The following KLHL32 variants were observed in gnomAD, a reference collection of about 807,000 sequenced individuals.
KLHL32 encodes kelch-like protein 32.
In KLHL32, 35 loss-of-function variants were observed where a neutral mutation model predicts 64.8. That is an observed-to-expected ratio of 0.54 (90% CI 0.41 to 0.72). The LOEUF (loss-of-function observed/expected upper bound fraction) is 0.72. Ranked by LOEUF, KLHL32 falls within the 30% of genes least tolerant of loss-of-function variation. The pLI, the probability that KLHL32 is intolerant of heterozygous loss-of-function variation, is 0.00. For missense variants in KLHL32, 589 were observed against 768.5 expected (o/e 0.77, Z 2.76); for synonymous variants, 259 against 281.0 (o/e 0.92, Z 0.78).
chr6:96,981,366 T>G (rs141029871), intron 3 of KLHL32, among the ~76,000 whole-genome samples: 1,688 of 152,072 alleles, frequency 0.011, 39 homozygotes, highest in African/African-American at 0.039. Flanking sequence ...GTCTTTGAGG[T>G]TTTTTTTGTA....
chr6:97,115,680 G>A (rs867696293), intron 7 of KLHL32, among the ~76,000 whole-genome samples: 37 of 152,264 alleles, frequency 2.4e-4, no homozygotes, highest in African/African-American at 8.7e-4. Context: ...TTTGAGAAAG[G>A]CCCTAAGTGT....
intron 4 of KLHL32, among the ~76,000 whole-genome samples, chr6:97,058,227 C>A (rs1267558567): frequency 1.3e-5 from 2 of 152,048 alleles, no homozygotes; most frequent in East Asian, 3.9e-4. Context: ...TATTTTGGGT[C>A]TTTTGCTTCT....
intron 3 of KLHL32, among the ~76,000 whole-genome samples, chr6:97,023,743 C>T (rs970188596): frequency 6.6e-6 from 1 of 152,184 alleles, no homozygotes; most frequent in Non-Finnish European, 1.5e-5. Flanking sequence ...ATAGTATCAC[C>T]TGAAGCCACT....
At chr6:96,967,125 C>T in intron 2 of KLHL32, 42 bp downstream of exon 2, 1 of 1,589,642 alleles carries the variant, frequency 6.3e-7, no homozygotes, top group South Asian at 1.1e-5. Flanking sequence ...GTAGTGAGCC[C>T]TGAAATAAGT....
At chr6:97,067,465 T>G (rs1489889393) in intron 5 of KLHL32, among the ~76,000 whole-genome samples, 1 of 152,156 alleles carries the variant, frequency 6.6e-6, no homozygotes, top group East Asian at 1.9e-4. Context: ...TTCTTTAGGC[T>G]CCCATTAATC....
chr6:97,004,011 G>A (rs549741945), intron 3 of KLHL32, among the ~76,000 whole-genome samples: 1 of 152,264 alleles, frequency 6.6e-6, no homozygotes, highest in South Asian at 2.1e-4. Context: ...TTCTAATTCT[G>A]TGAAGAATGC....
At chr6:97,006,197 AG>A (rs1195390483) in intron 3 of KLHL32, among the ~76,000 whole-genome samples, 2 of 152,152 alleles carry the variant, frequency 1.3e-5, no homozygotes, top group African/African-American at 4.8e-5. Flanking sequence ...CCCTTCTATT[AG>A]GTGCATACAT....
At chr6:97,030,269 G>A (rs1783340703) in intron 3 of KLHL32, among the ~76,000 whole-genome samples, 2 of 152,124 alleles carry the variant, frequency 1.3e-5, no homozygotes, top group South Asian at 4.1e-4. Flanking sequence ...TCAGTTTTGT[G>A]TCGTAAGGTA....
intron 6 of KLHL32, among the ~76,000 whole-genome samples, chr6:97,112,727 G>A (rs1423405579): frequency 1.3e-5 from 2 of 151,110 alleles, no homozygotes; most frequent in African/African-American, 4.9e-5. Context: ...TTACAGGCGT[G>A]AGCCACCATG....
intron 6 of KLHL32, among the ~76,000 whole-genome samples, chr6:97,088,258 G>A (rs1353968550): frequency 6.6e-6 from 1 of 152,066 alleles, no homozygotes; most frequent in Non-Finnish European, 1.5e-5. Context: ...TATGTTTCAA[G>A]GCCAGCAATT....
intron 6 of KLHL32, among the ~76,000 whole-genome samples, chr6:97,110,293 C>T (rs768038531): frequency 1.3e-5 from 2 of 152,120 alleles, no homozygotes; most frequent in South Asian, 2.1e-4. Context: ...TAGAGTGTAT[C>T]GCTTGTTTGA....
chr6:97,013,790 G>A (rs1160645950), intron 3 of KLHL32, among the ~76,000 whole-genome samples: 11 of 152,172 alleles, frequency 7.2e-5, no homozygotes, highest in African/African-American at 1.9e-4. Context: ...AGAAAACAGC[G>A]TATTATGGGA....
At chr6:96,961,324 C>T (rs1164187015) in intron 1 of KLHL32, among the ~76,000 whole-genome samples, 1 of 152,110 alleles carries the variant, frequency 6.6e-6, no homozygotes, top group African/African-American at 2.4e-5. Context: ...AGTTCTTCAC[C>T]AGTCTCTTAT....
chr6:97,038,516 T>G (rs569627250), intron 3 of KLHL32, among the ~76,000 whole-genome samples: 83 of 152,186 alleles, frequency 5.5e-4, no homozygotes, highest in African/African-American at 2.0e-3. Flanking sequence ...CAATAACAGA[T>G]TCTGGCAATG....
At chr6:96,963,221 C>T (rs1340743244) in intron 1 of KLHL32, among the ~76,000 whole-genome samples, 3 of 152,122 alleles carry the variant, frequency 2.0e-5, no homozygotes, top group Admixed American at 1.3e-4. Context: ...GCCTTATATA[C>T]GATCCTAGGA....
intron 2 of KLHL32, among the ~76,000 whole-genome samples, chr6:96,970,466 G>C (rs942690613): frequency 2.6e-5 from 4 of 152,150 alleles, no homozygotes; most frequent in African/African-American, 9.7e-5. Context: ...ACTTTTAAAA[G>C]ATTAACTTGT....
At chr6:96,982,747 C>T (rs950639031) in intron 3 of KLHL32, among the ~76,000 whole-genome samples, 2 of 152,180 alleles carry the variant, frequency 1.3e-5, no homozygotes, top group Non-Finnish European at 2.9e-5. Context: ...TGAGATGCTG[C>T]TGAAGTTGCT....
chr6:97,052,337 T>C (rs1787060351), intron 4 of KLHL32, among the ~76,000 whole-genome samples: 1 of 152,210 alleles, frequency 6.6e-6, no homozygotes, highest in Non-Finnish European at 1.5e-5. Context: ...GCATGTGACA[T>C]GATTTTCCAA....
At position 97,140,639 on chromosome 6, in the gene KLHL32, T is replaced by C. The variant is rs535227085; in HGVS notation, c.*1357T>C. 3 of 152,162 alleles carry C rather than the reference T, an allele frequency of 2.0e-5. No homozygotes were observed. In the East Asian group the frequency reaches 5.8e-4, roughly 29 times the overall value. 9.4% of individuals were successfully genotyped at this position (152,162 alleles called of 1,614,324 possible). A position where few individuals can be genotyped will look rare whatever the true frequency, so the allele number is the denominator to read the frequency against. On this transcript the variant is annotated 3_prime_UTR_variant, in exon 11 of 11. Coordinates refer to ENST00000369261, the MANE Select transcript of KLHL32 (RefSeq NM_052904.4). ...TTATTAAAAGGAAGAATTCACTCTT[T>C]TTTCCTTGGCAGTTTAATCATTCAG... is the stretch of plus-strand genomic sequence containing the variant.
Sources: gnomAD v4.1 joint callset for allele counts (sites outside exome capture counted in the v4.1 genomes callset) on GRCh38, gnomAD v4.1.1 for gene constraint, MANE v1.5 for transcripts, NCBI Gene and HGNC (gene_info 2026-07-23, HGNC 2026-07-21) for gene names.